GRID1: variants seen among roughly 807,000 people sequenced by gnomAD.
GRID1 encodes glutamate receptor ionotropic, delta-1.
Under a neutral mutation model 98.0 loss-of-function variants are expected in GRID1, and 28 were observed. The ratio of observed to expected loss-of-function variants is 0.29; its 90% confidence interval spans 0.21 to 0.39. GRID1 has a LOEUF of 0.39. GRID1 is among the 10% of genes least tolerant of loss of function. GRID1 has a pLI of 1.00. For synonymous variants in GRID1, 553 were observed against 538.5 expected (o/e 1.03, Z -0.37); for missense variants, 1,111 against 1,340.5 (o/e 0.83, Z 2.67).
chr10:85,665,478 C>T (rs891940294), intron 12 of GRID1, among the ~76,000 whole-genome samples: 1 of 152,202 alleles, frequency 6.6e-6, no homozygotes, highest in African/African-American at 2.4e-5. Flanking sequence ...GTTCCAGGCA[C>T]TTTACCTAAA....
At chr10:85,975,784 T>G (rs529272004) in intron 4 of GRID1, among the ~76,000 whole-genome samples, 58 of 152,206 alleles carry the variant, frequency 3.8e-4, no homozygotes, top group South Asian at 1.0e-3. Flanking sequence ...GGTCAAGCTC[T>G]CTCTCTCAGA....
intron 4 of GRID1, among the ~76,000 whole-genome samples, chr10:86,052,812 A>C (rs905300289): frequency 6.6e-6 from 1 of 152,234 alleles, no homozygotes; most frequent in African/African-American, 2.4e-5. Flanking sequence ...ACATGTTTGA[A>C]CTATTCATAT....
chr10:86,256,348 C>T (rs1349251094), intron 2 of GRID1, among the ~76,000 whole-genome samples: 1 of 152,138 alleles, frequency 6.6e-6, no homozygotes, highest in Non-Finnish European at 1.5e-5. Flanking sequence ...ACCTGTAATC[C>T]CAGCATTTCA....
At chr10:85,944,189 A>G (rs951751303) in intron 4 of GRID1, among the ~76,000 whole-genome samples, 1 of 152,250 alleles carries the variant, frequency 6.6e-6, no homozygotes, top group Non-Finnish European at 1.5e-5. Context: ...TTCCCGGCTG[A>G]GCCCAGCCCA....
At chr10:86,034,396 G>A (rs567362916) in intron 4 of GRID1, among the ~76,000 whole-genome samples, 8 of 152,264 alleles carry the variant, frequency 5.3e-5, no homozygotes, top group East Asian at 1.9e-4. Flanking sequence ...CAGGCATTCT[G>A]TCAGGCCCTG....
intron 4 of GRID1, among the ~76,000 whole-genome samples, chr10:86,042,542 T>C (rs1384315921): frequency 6.6e-6 from 1 of 152,156 alleles, no homozygotes; most frequent in African/African-American, 2.4e-5. Context: ...AAGAAGCTTC[T>C]GGAGCATGGG....
At chr10:86,100,487 G>A (rs1844281673) in intron 4 of GRID1, among the ~76,000 whole-genome samples, 1 of 152,068 alleles carries the variant, frequency 6.6e-6, no homozygotes, top group Admixed American at 6.5e-5. Context: ...AACTAAACAA[G>A]ATTAATCAAT....
chr10:85,958,550 G>C (rs1171424214), intron 4 of GRID1, among the ~76,000 whole-genome samples: 1 of 152,166 alleles, frequency 6.6e-6, no homozygotes, highest in Non-Finnish European at 1.5e-5. Context: ...GGGTGTGTCT[G>C]TGAGGGTGTT....
intron 4 of GRID1, among the ~76,000 whole-genome samples, chr10:86,076,531 T>C (rs898429728): frequency 1.3e-5 from 2 of 152,276 alleles, no homozygotes; most frequent in African/African-American, 4.8e-5. Flanking sequence ...TTTTAAGGAA[T>C]TGGCTCATGT....
At chr10:86,217,043 G>C (rs1846186642) in intron 2 of GRID1, among the ~76,000 whole-genome samples, 1 of 152,146 alleles carries the variant, frequency 6.6e-6, no homozygotes, top group Admixed American at 6.5e-5. Context: ...AGGAGGAAGG[G>C]AGCTGTGCCA....
At chr10:86,137,071 G>A (rs1332430699) in intron 4 of GRID1, among the ~76,000 whole-genome samples, 1 of 152,076 alleles carries the variant, frequency 6.6e-6, no homozygotes, top group African/African-American at 2.4e-5. Context: ...CAAGCCCAGC[G>A]AATCCACCAC....
At chr10:86,318,046 C>G (rs1847922564) in intron 2 of GRID1, among the ~76,000 whole-genome samples, 1 of 152,188 alleles carries the variant, frequency 6.6e-6, no homozygotes, top group Non-Finnish European at 1.5e-5. Flanking sequence ...TGACCTGCAT[C>G]CTTTGACTTA....
At chr10:85,687,405 T>A (rs1354024571) in intron 12 of GRID1, among the ~76,000 whole-genome samples, 2 of 152,190 alleles carry the variant, frequency 1.3e-5, no homozygotes, top group Admixed American at 6.5e-5. Flanking sequence ...GAGGGAAACA[T>A]GTTAGTAATT....
chr10:86,234,664 G>A (rs1334225612), intron 2 of GRID1, among the ~76,000 whole-genome samples: 1 of 152,160 alleles, frequency 6.6e-6, no homozygotes, highest in Non-Finnish European at 1.5e-5. Flanking sequence ...TTCACTTGCT[G>A]CTCTCATCCT....
At chr10:86,146,585 C>T (rs1358242218) in intron 3 of GRID1, among the ~76,000 whole-genome samples, 14 of 152,210 alleles carry the variant, frequency 9.2e-5, no homozygotes, top group Admixed American at 9.2e-4. Flanking sequence ...GGAGCCTCAC[C>T]TCCCCACACC....
chr10:85,762,139 C>T (rs968019623), intron 8 of GRID1, among the ~76,000 whole-genome samples: 12 of 152,176 alleles, frequency 7.9e-5, no homozygotes, highest in Admixed American at 2.0e-4. Flanking sequence ...AATTTTGCAC[C>T]GCATTCCTCT....
In GRID1 at chr10:85,942,536, C is replaced by T. The variant is rs565383647; in HGVS notation, c.727-26297G>A. ...CAGATTCTCCACCCAGCTTCCTCTC[C>T]TTCCTGCAGCTACTGTAATCTTTAT... On this transcript the variant is annotated intron_variant, in intron 4 of 15. Transcript: ENST00000327946. 1.4e-4 allele frequency among the ~76,000 whole-genome samples: 22 copies of T among 152,324 alleles called. No homozygotes were observed. The South Asian group carries it at 2.5e-3, about 17-fold the overall frequency.
intron 2 of GRID1, among the ~76,000 whole-genome samples, chr10:86,352,869 C>A (rs1296880685): frequency 6.6e-6 from 1 of 152,158 alleles, no homozygotes; most frequent in Non-Finnish European, 1.5e-5. Flanking sequence ...CTGGCTCCCT[C>A]TCATCCCACT....
intron 8 of GRID1, among the ~76,000 whole-genome samples, chr10:85,783,462 T>A (rs950630712): frequency 1.3e-5 from 2 of 152,154 alleles, no homozygotes; most frequent in Non-Finnish European, 2.9e-5. Flanking sequence ...GAATCTGATT[T>A]TATGGACAGA....
Sources: allele counts gnomAD v4.1 joint callset (sites outside exome capture counted in the v4.1 genomes callset), GRCh38; gene constraint gnomAD v4.1.1; transcripts MANE v1.5; gene names NCBI Gene and HGNC (gene_info 2026-07-23, HGNC 2026-07-21).